The following GRIK1 variants were observed in gnomAD, a reference collection of about 807,000 sequenced individuals.
GRIK1 encodes the protein glutamate receptor ionotropic, kainate 1.
GRIK1 carries 69 observed loss-of-function variants against 105.7 expected under a neutral mutation model. The observed-to-expected ratio is 0.65, with a 90% CI of 0.54 to 0.80. GRIK1 has a LOEUF of 0.80. Among genes scored for constraint, GRIK1 ranks in the 30% least tolerant of loss-of-function variants. The pLI, the probability that GRIK1 is intolerant of heterozygous loss-of-function variation, is 0.00. For missense variants in GRIK1, 1,109 were observed against 1,167.3 expected, an observed-to-expected ratio of 0.95 and a Z score of 0.73; for synonymous variants, 438 against 431.3, an observed-to-expected ratio of 1.02 and a Z score of -0.19.
intron 1 of GRIK1, among the ~76,000 whole-genome samples, chr21:29,848,590 C>G (rs964218229): frequency 6.6e-6 from 1 of 151,838 alleles, no homozygotes; most frequent in African/African-American, 2.4e-5. Flanking sequence ...AAATGGAAAC[C>G]TTCTTTGTAA....
chr21:29,607,391 C>T (rs1176327861), intron 7 of GRIK1, among the ~76,000 whole-genome samples: 1 of 147,564 alleles, frequency 6.8e-6, no homozygotes, highest in Non-Finnish European at 1.5e-5. Flanking sequence ...CTGCCTATCT[C>T]TGGAAATTAA....
intron 6 of GRIK1, among the ~76,000 whole-genome samples, chr21:29,646,231 A>T (rs934191237): frequency 2.6e-5 from 4 of 152,052 alleles, no homozygotes; most frequent in Non-Finnish European, 4.4e-5. Context: ...GCTGTATGGG[A>T]GCTCCATGCC....
At chr21:29,581,399 G>T in intron 13 of GRIK1, 26 bp downstream of exon 13, 1 of 1,337,866 alleles carries the variant, frequency 7.5e-7, no homozygotes, top group Non-Finnish European at 1.1e-6. Flanking sequence ...TGGGATGCGT[G>T]TGACAAAGAT....
chr21:29,744,158 G>A (rs2064995316), intron 1 of GRIK1, among the ~76,000 whole-genome samples: 1 of 152,228 alleles, frequency 6.6e-6, no homozygotes, highest in African/African-American at 2.4e-5. Flanking sequence ...GATGAGCCAA[G>A]GGAGTTCTTC....
intron 1 of GRIK1, among the ~76,000 whole-genome samples, chr21:29,718,873 A>G (rs1389124667): frequency 6.6e-6 from 1 of 152,138 alleles, no homozygotes; most frequent in Non-Finnish European, 1.5e-5. Flanking sequence ...GCTCAAAGAC[A>G]CCCTTTAGTG....
intron 1 of GRIK1, among the ~76,000 whole-genome samples, chr21:29,752,377 A>G (rs754587293): frequency 1.2e-4 from 19 of 152,212 alleles, no homozygotes; most frequent in Non-Finnish European, 2.4e-4. Context: ...CTTACAAAAA[A>G]TTGTATTCTT....
At chr21:29,747,877 A>G (rs2065085892) in intron 1 of GRIK1, among the ~76,000 whole-genome samples, 2 of 152,228 alleles carry the variant, frequency 1.3e-5, no homozygotes, top group Admixed American at 6.5e-5. Context: ...CATAAATTTC[A>G]GTAGCCCACT....
chr21:29,934,520 C>A (rs1000932600), intron 1 of GRIK1, among the ~76,000 whole-genome samples: 2 of 151,956 alleles, frequency 1.3e-5, no homozygotes, highest in African/African-American at 4.8e-5. Context: ...AAGCTGAAAT[C>A]AAATATAAGA....
At chr21:29,739,227 C>T (rs1305778066) in intron 1 of GRIK1, among the ~76,000 whole-genome samples, 1 of 152,020 alleles carries the variant, frequency 6.6e-6, no homozygotes, top group East Asian at 1.9e-4. Context: ...TAGGATGGTC[C>T]AGGTAGGTCT....
chr21:29,730,765 C>A (rs2064598721), intron 1 of GRIK1, among the ~76,000 whole-genome samples: 2 of 152,084 alleles, frequency 1.3e-5, no homozygotes, highest in African/African-American at 4.8e-5. Flanking sequence ...ATTTCATTTA[C>A]CATCATGACA....
intron 9 of GRIK1, 41 bp from the exon 10 acceptor site, chr21:29,591,266 T>G (rs753754525): frequency 1.7e-6 from 2 of 1,194,446 alleles, no homozygotes; most frequent in Non-Finnish European, 2.5e-6. Flanking sequence ...TGGCTGTCAG[T>G]GTGGCATTTA....
chr21:29,559,818 T>A (rs963425067), intron 15 of GRIK1, among the ~76,000 whole-genome samples: 7 of 152,260 alleles, frequency 4.6e-5, no homozygotes, highest in East Asian at 1.9e-4. Context: ...GGATTTTTTT[T>A]ATTTTCTTAG....
chr21:29,657,052 C>G (rs756274711), intron 4 of GRIK1, among the ~76,000 whole-genome samples: 3 of 152,158 alleles, frequency 2.0e-5, no homozygotes, highest in Non-Finnish European at 4.4e-5. Flanking sequence ...GTTAGCTGTT[C>G]TCTTATATCA....
intron 16 of GRIK1, among the ~76,000 whole-genome samples, chr21:29,547,869 A>G (rs1357480669): frequency 1.3e-5 from 2 of 152,252 alleles, no homozygotes; most frequent in Non-Finnish European, 2.9e-5. Context: ...TCTTGGAAGC[A>G]TCTGATAATA....
At position 29,818,577 on chromosome 21, in the gene GRIK1, C is replaced by A. The variant is rs563941009; in HGVS notation, c.118+120806G>T. 2.6e-5 allele frequency among the ~76,000 whole-genome samples: 4 copies of A among 152,212 alleles called. No homozygotes were observed. The East Asian group carries it at 5.8e-4, about 22-fold the overall frequency. On this transcript the variant is annotated intron_variant, in intron 1 of 17. Transcript: ENST00000327783. ...CCCCAGCCTCCCAGCTTGCTCATATCCTCATTATGGGAAAAGCTATTCCAA... is the reference window on the plus strand; with the variant it reads ...CCCCAGCCTCCCAGCTTGCTCATATACTCATTATGGGAAAAGCTATTCCAA...
intron 14 of GRIK1, among the ~76,000 whole-genome samples, chr21:29,565,843 C>A (rs533701142): frequency 1.5e-4 from 23 of 152,290 alleles, no homozygotes; most frequent in Non-Finnish European, 2.6e-4. Flanking sequence ...TAGACCAACC[C>A]CTTCCTATCA....
chr21:29,756,193 A>T (rs968622060), intron 1 of GRIK1, among the ~76,000 whole-genome samples: 5 of 152,130 alleles, frequency 3.3e-5, no homozygotes, highest in Admixed American at 1.3e-4. Flanking sequence ...CAACCTGGCT[A>T]ACACGGTGAA....
At chr21:29,596,395 T>C (rs1273486933) in intron 9 of GRIK1, 131 bp downstream of exon 9, 4 of 778,272 alleles carry the variant, frequency 5.1e-6, no homozygotes, top group Admixed American at 1.7e-5. Context: ...CCTCTCTCTT[T>C]ACATGGAACT....
intron 1 of GRIK1, among the ~76,000 whole-genome samples, chr21:29,733,933 TTA>T (rs902356501): frequency 1.3e-5 from 2 of 152,110 alleles, no homozygotes; most frequent in Admixed American, 1.3e-4. Context: ...AGTGAAATAA[TTA>T]GTTTTACTAT....
Sources: allele counts gnomAD v4.1 joint callset (sites outside exome capture counted in the v4.1 genomes callset), GRCh38; gene constraint gnomAD v4.1.1; transcripts MANE v1.5; gene names NCBI Gene and HGNC (gene_info 2026-07-23, HGNC 2026-07-21).